UHRF2: variants seen among roughly 807,000 people sequenced by gnomAD.
The protein encoded by UHRF2 is ubiquitin like with PHD and ring finger domains 2, also known as E3 ubiquitin-protein ligase UHRF2.
Under a neutral mutation model 96.8 loss-of-function variants are expected in UHRF2, and 23 were observed. The observed-to-expected ratio is 0.24, with a 90% CI of 0.17 to 0.34. The LOEUF (loss-of-function observed/expected upper bound fraction) is 0.34. UHRF2 is among the 10% of genes least tolerant of loss of function. The pLI is 1.00. For missense variants in UHRF2, 685 were observed against 981.5 expected, an observed-to-expected ratio of 0.70 and a Z score of 4.04; for synonymous variants, 385 against 332.6, an observed-to-expected ratio of 1.16 and a Z score of -1.72.
intron 1 of UHRF2, among the ~76,000 whole-genome samples, chr9:6,418,357 A>T (rs1298014294): frequency 6.9e-6 from 1 of 145,190 alleles, no homozygotes; most frequent in Non-Finnish European, 1.5e-5. Flanking sequence ...ACTTTGGCTT[A>T]TTTAGAGTAA....
intron 15 of UHRF2, among the ~76,000 whole-genome samples, chr9:6,505,369 C>T (rs1816529045): frequency 6.6e-6 from 1 of 152,034 alleles, no homozygotes; most frequent in Non-Finnish European, 1.5e-5. Context: ...GATCTGGGCT[C>T]ACTGTAACCT....
At chr9:6,417,702 A>T (rs575411503) in intron 1 of UHRF2, among the ~76,000 whole-genome samples, 2 of 152,354 alleles carry the variant, frequency 1.3e-5, no homozygotes, top group East Asian at 1.9e-4. Context: ...CATAGCAAGC[A>T]TGAGGAAAGG....
At position 6,483,781 on chromosome 9, in the gene UHRF2, C is replaced by T. The variant is rs556401793; in HGVS notation, c.1392+1682C>T. On this transcript the variant is annotated intron_variant, in intron 8 of 15. Coordinates refer to ENST00000276893, the MANE Select transcript of UHRF2 (RefSeq NM_152896.3). Reference sequence around the variant, plus strand: ...CTTGGCTCACCACAACCTCTACCTCCCGGGTTCAAGCAATTCTCCTGCCTC... The same window carrying T: ...CTTGGCTCACCACAACCTCTACCTCTCGGGTTCAAGCAATTCTCCTGCCTC... Among the ~76,000 whole-genome samples, 61 of 152,166 alleles carry T rather than the reference C, an allele frequency of 4.0e-4. No individual in the cohort carries two copies. The South Asian group carries it at 0.01, about 26-fold the overall frequency.
At chr9:6,475,835 A>T (rs538330907) in intron 5 of UHRF2, among the ~76,000 whole-genome samples, 1 of 152,140 alleles carries the variant, frequency 6.6e-6, no homozygotes, top group Admixed American at 6.5e-5. Context: ...AATCTGGGAA[A>T]CTGGGATATT....
chr9:6,484,373 G>A (rs1177054994), intron 8 of UHRF2, among the ~76,000 whole-genome samples: 1 of 151,534 alleles, frequency 6.6e-6, no homozygotes, highest in Non-Finnish European at 1.5e-5. Context: ...CGGCGGTGGT[G>A]GCAGGTGTGG....
intron 3 of UHRF2, among the ~76,000 whole-genome samples, chr9:6,444,475 T>A (rs1219985503): frequency 6.6e-6 from 1 of 152,240 alleles, no homozygotes; most frequent in Non-Finnish European, 1.5e-5. Context: ...TTTACATTTA[T>A]GCTTCTCAAA....
chr9:6,493,342 T>C lies in UHRF2; in HGVS notation c.1498-484T>C, dbSNP rs1824780397. On this transcript the variant is annotated intron_variant, in intron 9 of 15. Coordinates refer to ENST00000276893, the MANE Select transcript of UHRF2 (RefSeq NM_152896.3). Reference sequence around the variant, plus strand: ...AAGTTTTTAGGTAAATTTGCTTTTGTAGTACTTATTTATTGTCAATGCCAG... The same window carrying C: ...AAGTTTTTAGGTAAATTTGCTTTTGCAGTACTTATTTATTGTCAATGCCAG... Among the ~76,000 whole-genome samples, 4 of 152,148 alleles carry C rather than the reference T, an allele frequency of 2.6e-5. No individual in the cohort carries two copies. The South Asian group carries it at 8.3e-4, about 32-fold the overall frequency.
chr9:6,504,313 C>A (rs769879997), intron 14 of UHRF2: 11 of 193,764 alleles, frequency 5.7e-5, no homozygotes, highest in Non-Finnish European at 8.6e-5. Flanking sequence ...GCGTGAGCCA[C>A]CGCGCCCGGC....
intron 2 of UHRF2, among the ~76,000 whole-genome samples, chr9:6,424,375 CAATT>C (rs1005463298): frequency 6.4e-5 from 5 of 77,986 alleles, no homozygotes; most frequent in African/African-American, 1.4e-4. Flanking sequence ...ATAGTGGTCA[CAATT>C]AAGAGAGAAT....
At chr9:6,479,110 A>T (rs1382821556) in intron 6 of UHRF2, among the ~76,000 whole-genome samples, 2 of 151,698 alleles carry the variant, frequency 1.3e-5, no homozygotes, top group Non-Finnish European at 2.9e-5. Flanking sequence ...ATACACACAA[A>T]CCTTCCTTGA....
chr9:6,468,415 A>G (rs1823007585), intron 4 of UHRF2: 1 of 456,070 alleles, frequency 2.2e-6, no homozygotes, highest in Non-Finnish European at 4.4e-6. Flanking sequence ...GCCCGATCAA[A>G]TAGTCATCTC....
At chr9:6,428,396 T>A (rs1339196240) in intron 2 of UHRF2, among the ~76,000 whole-genome samples, 1 of 152,124 alleles carries the variant, frequency 6.6e-6, no homozygotes, top group Non-Finnish European at 1.5e-5. Flanking sequence ...ATGGTAATCA[T>A]TTCTTTGTTC....
intron 3 of UHRF2, among the ~76,000 whole-genome samples, chr9:6,439,291 T>C (rs1376714944): frequency 2.0e-5 from 3 of 152,172 alleles, no homozygotes; most frequent in Non-Finnish European, 4.4e-5. Context: ...TTCAAACGAT[T>C]CTCCTGTCTC....
intron 8 of UHRF2, among the ~76,000 whole-genome samples, chr9:6,482,393 T>G (rs1332185265): frequency 4.6e-5 from 7 of 152,216 alleles, no homozygotes; most frequent in South Asian, 2.1e-4. Flanking sequence ...ATTTAGCATT[T>G]GAAATATTAA....
At chr9:6,500,838 A>C in intron 14 of UHRF2, 129 bp downstream of exon 14, 1 of 807,516 alleles carries the variant, frequency 1.2e-6, no homozygotes, top group Non-Finnish European at 1.9e-6. Flanking sequence ...ATCCAGTGCC[A>C]CTACCTTTCA....
intron 14 of UHRF2, 119 bp downstream of exon 14, chr9:6,500,828 A>T (rs1201467311): frequency 2.2e-6 from 2 of 907,614 alleles, no homozygotes; most frequent in Admixed American, 3.0e-5. Flanking sequence ...CGGTTTTCTA[A>T]TCCAGTGCCA....
In UHRF2 at chr9:6,501,034, CAA is replaced by C. The variant is rs570427876; in HGVS notation, c.2163+327_2163+328del. Among the ~76,000 whole-genome samples, 399 of 152,298 alleles carry C rather than the reference CAA, an allele frequency of 2.6e-3. 2 individuals carry two copies. Among genetic ancestry groups the C allele is most frequent in the African/African-American group, 8.5e-3 (353 of 41,576 alleles). ...CACCACGAAAGTTTTTGTTACAGTT[CAA>C]AGTTACCTAACCGCATAAGTCTTAA... On this transcript the variant is annotated intron_variant, in intron 14 of 15. Coordinates refer to ENST00000276893, the MANE Select transcript of UHRF2 (RefSeq NM_152896.3).
intron 3 of UHRF2, among the ~76,000 whole-genome samples, chr9:6,443,414 A>G (rs1424819234): frequency 6.6e-6 from 1 of 152,238 alleles, no homozygotes; most frequent in Non-Finnish European, 1.5e-5. Context: ...AGTGTTAGAG[A>G]GCTAGTAAGT....
At chr9:6,446,215 A>G (rs1484160579) in intron 3 of UHRF2, among the ~76,000 whole-genome samples, 1 of 151,492 alleles carries the variant, frequency 6.6e-6, no homozygotes, top group East Asian at 2.0e-4. Flanking sequence ...CAGTGGCTCA[A>G]TCTTGCCTCA....
Sources: gnomAD v4.1 joint callset for allele counts (sites outside exome capture counted in the v4.1 genomes callset) on GRCh38, gnomAD v4.1.1 for gene constraint, MANE v1.5 for transcripts, NCBI Gene and HGNC (gene_info 2026-07-23, HGNC 2026-07-21) for gene names.